CYP19A1: variants seen among roughly 807,000 people sequenced by gnomAD.
CYP19A1 encodes aromatase.
Under a neutral mutation model 44.4 loss-of-function variants are expected in CYP19A1, and 32 were observed. The ratio of observed to expected loss-of-function variants is 0.72; its 90% CI spans 0.54 to 0.97. The LOEUF (loss-of-function observed/expected upper bound fraction) is 0.97, where lower values mean the gene tolerates loss of function less well. Ranked by LOEUF, CYP19A1 falls within the 50% of genes least tolerant of loss-of-function variation. The pLI is 0.00. For missense variants in CYP19A1, 598 were observed against 637.8 expected (o/e 0.94, Z 0.67); for synonymous variants, 212 against 215.6 (o/e 0.98, Z 0.14).
chr15:51,288,355 C>T (rs1309333834), intron 1 of CYP19A1, among the ~76,000 whole-genome samples: 1 of 152,156 alleles, frequency 6.6e-6, no homozygotes, highest in East Asian at 1.9e-4. Flanking sequence ...CCGCCCACCC[C>T]CCATAGTCCA....
intron 1 of CYP19A1, among the ~76,000 whole-genome samples, chr15:51,334,842 C>T (rs986091872): frequency 2.6e-5 from 4 of 152,192 alleles, no homozygotes; most frequent in Non-Finnish European, 5.9e-5. Flanking sequence ...TGCAGAGAGC[C>T]ACCTGGCCCC....
chr15:51,337,377 A>C (rs999588338), intron 1 of CYP19A1, among the ~76,000 whole-genome samples: 21 of 152,242 alleles, frequency 1.4e-4, no homozygotes, highest in Non-Finnish European at 4.4e-5. Context: ...CAACAATACC[A>C]ACCCGTGTTG....
Position 51,242,885 on chromosome 15 carries a change from G to A in CYP19A1, c.28C>T (p.His10Tyr). The change falls in exon 2 of 10, where the codon CAT (histidine) becomes TAT (tyrosine). Residue 10 changes from histidine to tyrosine, a missense_variant. His to Tyr is a moderately conservative substitution (Grantham distance 83). Transcript: ENST00000396402. ...GGCACGATGCTGGTGATGTTATAAT[G>A]TATCGGGTTCAGCATTTCCAAAACC... MVLEMLNPI[H>Y]YNITSIVPEA... 6.2e-7 allele frequency: 1 copy of A among 1,610,342 alleles called. No homozygotes were observed.
Position 51,238,235 on chromosome 15 carries a change from C to G in CYP19A1, c.146-1226G>C, listed in dbSNP as rs28757169. Among the ~76,000 whole-genome samples, 1,008 of 152,306 alleles carry G rather than the reference C, an allele frequency of 6.6e-3. 18 individuals carry two copies. Among genetic ancestry groups the G allele is most frequent in the African/African-American group, 0.023 (966 of 41,554 alleles). On this transcript the variant is annotated intron_variant, in intron 2 of 9. Transcript: ENST00000396402. ...ATTATTTTAGTAACACTACATTATA[C>G]AGTAGATGACTGACTTTGTATTAAA...
intron 1 of CYP19A1, among the ~76,000 whole-genome samples, chr15:51,264,489 T>C (rs1203248054): frequency 1.4e-5 from 2 of 143,828 alleles, no homozygotes; most frequent in Non-Finnish European, 3.0e-5. Flanking sequence ...TTCAGTCTTT[T>C]AGAAGGAAAG....
In CYP19A1 at chr15:51,308,655, G is replaced by A. The variant is rs35539293; in HGVS notation, c.-39+29840C>T. Among the ~76,000 whole-genome samples the A allele has an allele frequency of 3.6e-3, 555 of 152,210 alleles. 4 individuals carry two copies. Among genetic ancestry groups the A allele is most frequent in the African/African-American group, 0.013 (527 of 41,532 alleles). On this transcript the variant is annotated intron_variant, in intron 1 of 9. Transcript: ENST00000396402. ...AGTGGTATGAAGAGGTACATATTCA[G>A]ACCCCAAAGTCTTAGAGGCCGGCGC...
chr15:51,262,475 A>T (rs75496178), intron 1 of CYP19A1, among the ~76,000 whole-genome samples: 6,412 of 152,150 alleles, frequency 0.042, 451 homozygotes, highest in African/African-American at 0.15. Context: ...AGCTTTCATC[A>T]GCCCTCTCTT....
At chr15:51,236,158 G>C (rs1450759439) in intron 3 of CYP19A1, among the ~76,000 whole-genome samples, 1 of 152,138 alleles carries the variant, frequency 6.6e-6, no homozygotes, top group African/African-American at 2.4e-5. Context: ...ATTTATGTAA[G>C]ATCACTCCAC....
chr15:51,318,081 C>G (rs1175680216), intron 1 of CYP19A1, among the ~76,000 whole-genome samples: 1 of 152,160 alleles, frequency 6.6e-6, no homozygotes, highest in Non-Finnish European at 1.5e-5. Context: ...CTCCCTGGGC[C>G]TCCTGTGTAG....
intron 1 of CYP19A1, among the ~76,000 whole-genome samples, chr15:51,318,218 TA>T (rs56163756): frequency 0.35 from 52,605 of 149,376 alleles, 9,971 homozygotes; most frequent in African/African-American, 0.51. Flanking sequence ...TCTAAAAATG[TA>T]AAAAAAAAAA....
chr15:51,212,445 C>A lies in CYP19A1; in HGVS notation c.1138G>T (p.Asp380Tyr). ...ACTGGGTAGCCATCGATTACATCATCTTCTAAGGCTTTGCGCATGACCAAG... is the reference window on the plus strand; with the variant it reads ...ACTGGGTAGCCATCGATTACATCATATTCTAAGGCTTTGCGCATGACCAAG... The part of the protein sequence containing the change: ...VDLVMRKALE[D>Y]DVIDGYPVKK... The change falls in exon 9 of 10, where the codon GAT becomes TAT. Residue 380 changes from aspartate (D) to tyrosine (Y), a missense_variant. By Grantham distance (160) the Asp-to-Tyr change is radical. Coordinates refer to ENST00000396402, the MANE Select transcript of CYP19A1 (RefSeq NM_000103.4). 2 of 1,610,956 alleles carry A rather than the reference C, an allele frequency of 1.2e-6. No individual in the cohort carries two copies. The highest frequency in any genetic ancestry group is 1.7e-6 in the Non-Finnish European group (2 of 1,177,112).
At chr15:51,226,281 A>G (rs2141074114) in intron 4 of CYP19A1, among the ~76,000 whole-genome samples, 1 of 152,208 alleles carries the variant, frequency 6.6e-6, no homozygotes, top group Non-Finnish European at 1.5e-5. Context: ...AGAGCTGGAA[A>G]AGACAAAGAA....
chr15:51,263,624 C>T (rs532498932), intron 1 of CYP19A1, among the ~76,000 whole-genome samples: 81 of 152,192 alleles, frequency 5.3e-4, no homozygotes, highest in Middle Eastern at 6.8e-3. Context: ...GAACAAGAGC[C>T]CTGACCAGGG....
chr15:51,249,817 T>C (rs2034231955), intron 1 of CYP19A1, among the ~76,000 whole-genome samples: 1 of 152,176 alleles, frequency 6.6e-6, no homozygotes, highest in Admixed American at 6.5e-5. Context: ...GGAAGGTCAC[T>C]TGTCAATAGT....
rs58724502 is a variant in CYP19A1 at position 51,282,812 on chromosome 15, G to A, written c.-38-39862C>T. ...CTAAAGGAAGCTTGGTGGGAAAGCT[G>A]AGGGCTCGGAAGAACCAGGGTAACA... On this transcript the variant is annotated intron_variant, in intron 1 of 9. Transcript: ENST00000396402. Among the ~76,000 whole-genome samples the A allele has an allele frequency of 5.5e-3, 834 of 152,346 alleles. 11 individuals carry two copies. Among genetic ancestry groups the A allele is most frequent in the African/African-American group, 0.019 (803 of 41,578 alleles).
intron 8 of CYP19A1, 129 bp from the exon 9 acceptor site, chr15:51,212,690 T>A: frequency 1.5e-6 from 1 of 689,536 alleles, no homozygotes; most frequent in Non-Finnish European, 2.6e-6. Flanking sequence ...CTAATTCTAA[T>A]GCACACCAGC....
At chr15:51,238,420 C>T (rs2033541654) in intron 2 of CYP19A1, among the ~76,000 whole-genome samples, 1 of 152,278 alleles carries the variant, frequency 6.6e-6, no homozygotes, top group South Asian at 2.1e-4. Context: ...AGATGCTCAA[C>T]GAATGTTTCC....
chr15:51,269,578 T>C (rs1016694963), intron 1 of CYP19A1, among the ~76,000 whole-genome samples: 3 of 152,098 alleles, frequency 2.0e-5, no homozygotes, highest in African/African-American at 7.2e-5. Flanking sequence ...CTACTACTAT[T>C]TGGAGCATAG....
intron 1 of CYP19A1, among the ~76,000 whole-genome samples, chr15:51,323,593 C>T (rs1228155353): frequency 6.6e-6 from 1 of 151,626 alleles, no homozygotes; most frequent in Admixed American, 6.6e-5. Flanking sequence ...AGTCACTGAT[C>T]TACCCCCACA....
Sources: gnomAD v4.1 joint callset for allele counts (sites outside exome capture counted in the v4.1 genomes callset) on GRCh38, gnomAD v4.1.1 for gene constraint, MANE v1.5 for transcripts, NCBI Gene and HGNC (gene_info 2026-07-23, HGNC 2026-07-21) for gene names.